The following CDKAL1 variants were observed in gnomAD, a reference collection of about 807,000 sequenced individuals.
CDKAL1 encodes CDKAL1 threonylcarbamoyladenosine tRNA methylthiotransferase.
CDKAL1 carries 32 observed loss-of-function variants against 68.2 expected under a neutral mutation model. The ratio of observed to expected loss-of-function variants is 0.47; its 90% CI spans 0.35 to 0.63. The LOEUF (loss-of-function observed/expected upper bound fraction) is 0.63, where lower values mean the gene tolerates loss of function less well. Ranked by LOEUF, CDKAL1 falls within the 30% of genes least tolerant of loss-of-function variation. The pLI, the probability that CDKAL1 is intolerant of heterozygous loss-of-function variation, is 0.00. For missense variants in CDKAL1, 606 were observed against 696.7 expected, an observed-to-expected ratio of 0.87 and a Z score of 1.47; for synonymous variants, 234 against 244.3, an observed-to-expected ratio of 0.96 and a Z score of 0.39.
chr6:20,930,553 G>T (rs1194117133), intron 9 of CDKAL1, among the ~76,000 whole-genome samples: 1 of 152,092 alleles, frequency 6.6e-6, no homozygotes. Context: ...AATGGCCGCT[G>T]GTCCAGTAAA....
intron 4 of CDKAL1, among the ~76,000 whole-genome samples, chr6:20,583,296 C>T (rs984091500): frequency 6.6e-6 from 1 of 152,110 alleles, no homozygotes; most frequent in Admixed American, 6.5e-5. Flanking sequence ...CTTCTTGAGT[C>T]AGATGAAGAA....
At chr6:20,585,610 T>A (rs115428507) in intron 4 of CDKAL1, among the ~76,000 whole-genome samples, 1,554 of 152,270 alleles carry the variant, frequency 0.01, 27 homozygotes, top group African/African-American at 0.036. Flanking sequence ...TCTTTGTTTG[T>A]TAGCATTTGC....
chr6:20,729,172 T>C (rs1772790904), intron 5 of CDKAL1, among the ~76,000 whole-genome samples: 2 of 152,110 alleles, frequency 1.3e-5, no homozygotes, highest in African/African-American at 4.8e-5. Flanking sequence ...GGGGAACTCT[T>C]TGAGGTTACA....
intron 11 of CDKAL1, among the ~76,000 whole-genome samples, chr6:21,034,338 A>C (rs1769457562): frequency 6.6e-6 from 1 of 152,182 alleles, no homozygotes; most frequent in African/African-American, 2.4e-5. Context: ...GTCTGTATCC[A>C]CTTGTTGGAT....
At chr6:20,761,618 G>A (rs1194065156) in intron 7 of CDKAL1, among the ~76,000 whole-genome samples, 2 of 152,034 alleles carry the variant, frequency 1.3e-5, no homozygotes, top group Non-Finnish European at 2.9e-5. Flanking sequence ...ACCATGAAAT[G>A]ACATAGAGGG....
chr6:20,649,279 C>T lies in CDKAL1; in HGVS notation c.287-14C>T, dbSNP rs1442272779. On this transcript the variant is annotated splice_polypyrimidine_tract_variant and intron_variant, in intron 4 of 15. Transcript: ENST00000274695. ...GTGCTACTTACTTCTTTTTTGTGTT[C>T]ATTTTTTTAATAGAAAATGCATCCG... 6.3e-7 allele frequency: 1 copy of T among 1,581,002 alleles called. No individual in the cohort carries two copies. Among genetic ancestry groups the T allele is most frequent in the Non-Finnish European group, 8.6e-7 (1 of 1,156,252 alleles).
intron 13 of CDKAL1, among the ~76,000 whole-genome samples, chr6:21,166,087 A>G (rs1777138629): frequency 6.6e-6 from 1 of 152,190 alleles, no homozygotes; most frequent in Admixed American, 6.5e-5. Flanking sequence ...CACATGTTAC[A>G]TATATGAAGT....
At chr6:21,072,899 T>C (rs1281618259) in intron 12 of CDKAL1, among the ~76,000 whole-genome samples, 1 of 152,136 alleles carries the variant, frequency 6.6e-6, no homozygotes, top group Non-Finnish European at 1.5e-5. Context: ...TTATATGGGT[T>C]TTGACAAATG....
intron 10 of CDKAL1, among the ~76,000 whole-genome samples, chr6:20,971,514 G>A (rs570133616): frequency 6.6e-6 from 1 of 152,216 alleles, no homozygotes; most frequent in South Asian, 2.1e-4. Flanking sequence ...GATATTTCAG[G>A]GATAATCAAT....
At chr6:20,852,124 A>T (rs116702976) in intron 9 of CDKAL1, among the ~76,000 whole-genome samples, 116 of 152,264 alleles carry the variant, frequency 7.6e-4, no homozygotes, top group African/African-American at 2.6e-3. Flanking sequence ...TCCAAAAAGG[A>T]TTTTAGGCAG....
At chr6:20,627,289 CAAAT>C in intron 4 of CDKAL1, among the ~76,000 whole-genome samples, 1 of 152,168 alleles carries the variant, frequency 6.6e-6, no homozygotes, top group Middle Eastern at 3.4e-3. Context: ...TGAGATAACT[CAAAT>C]AAATCTTTTC....
intron 9 of CDKAL1, among the ~76,000 whole-genome samples, chr6:20,899,405 G>T (rs1210460367): frequency 1.3e-5 from 2 of 152,146 alleles, no homozygotes; most frequent in South Asian, 2.1e-4. Context: ...TCTTGTTAAT[G>T]AGGTGTTATT....
At chr6:21,036,652 T>G (rs1769615026) in intron 11 of CDKAL1, among the ~76,000 whole-genome samples, 1 of 152,210 alleles carries the variant, frequency 6.6e-6, no homozygotes, top group South Asian at 2.1e-4. Flanking sequence ...CACCATCAGT[T>G]GTAACATATA....
At chr6:20,785,623 T>C (rs1400326505) in intron 8 of CDKAL1, among the ~76,000 whole-genome samples, 1 of 152,190 alleles carries the variant, frequency 6.6e-6, no homozygotes, top group Non-Finnish European at 1.5e-5. Context: ...ATTTCATTTT[T>C]TTCATGCTGG....
chr6:20,982,861 AAAC>A (rs1217362000), intron 10 of CDKAL1, among the ~76,000 whole-genome samples: 14 of 152,208 alleles, frequency 9.2e-5, no homozygotes, highest in Non-Finnish European at 1.9e-4. Context: ...CATTTTAAAA[AAAC>A]AACATTTTTT....
rs765362773 is a variant in CDKAL1, at chr6:21,000,190, T to C, written c.910-37T>C. The C allele has an allele frequency of 5.7e-6, 9 of 1,571,896 alleles. No homozygotes were observed. In the East Asian group the frequency reaches 2.0e-4, roughly 35 times the overall value. On this transcript the variant is annotated intron_variant, in intron 10 of 15. Coordinates refer to ENST00000274695, the MANE Select transcript of CDKAL1 (RefSeq NM_017774.3). Reference sequence around the variant, plus strand: ...TGAGGAAAACCATTCCACAATTTGTTAAAATGATTAGTGTTTTCTCCTTCC... The same window carrying C: ...TGAGGAAAACCATTCCACAATTTGTCAAAATGATTAGTGTTTTCTCCTTCC...
intron 12 of CDKAL1, among the ~76,000 whole-genome samples, chr6:21,096,680 A>C (rs1364369034): frequency 6.6e-6 from 1 of 152,162 alleles, no homozygotes; most frequent in Non-Finnish European, 1.5e-5. Flanking sequence ...ATCAGGCATT[A>C]TTATTAAGCA....
intron 5 of CDKAL1, among the ~76,000 whole-genome samples, chr6:20,674,713 A>G (rs551594936): frequency 9.3e-4 from 141 of 152,228 alleles, no homozygotes; most frequent in Non-Finnish European, 1.3e-3. Context: ...GCCTCTTTCT[A>G]TCTTCTTTTC....
At chr6:20,576,069 A>G (rs944280605) in intron 4 of CDKAL1, among the ~76,000 whole-genome samples, 2 of 152,232 alleles carry the variant, frequency 1.3e-5, no homozygotes, top group Non-Finnish European at 1.5e-5. Context: ...TAAGGAATTT[A>G]TCTTTTATAT....
Sources: gnomAD v4.1 joint callset for allele counts (sites outside exome capture counted in the v4.1 genomes callset) on GRCh38, gnomAD v4.1.1 for gene constraint, MANE v1.5 for transcripts, NCBI Gene and HGNC (gene_info 2026-07-23, HGNC 2026-07-21) for gene names.